Variants in MCU observed in about 807,000 individuals in gnomAD.
The protein encoded by MCU is mitochondrial calcium uniporter.
MCU carries 12 observed loss-of-function variants against 45.2 expected under a neutral mutation model. The ratio of observed to expected loss-of-function variants is 0.27; its 90% CI spans 0.17 to 0.43. The LOEUF (loss-of-function observed/expected upper bound fraction) is 0.43, where lower values mean the gene tolerates loss of function less well. MCU is among the 20% of genes least tolerant of loss of function. MCU has a pLI of 1.00. For synonymous variants in MCU, 160 were observed against 165.1 expected (o/e 0.97, Z 0.24); for missense variants, 324 against 436.7 (o/e 0.74, Z 2.30).
chr10:72,695,796 G>GA (rs1311263235), intron 1 of MCU, among the ~76,000 whole-genome samples: 10 of 149,902 alleles, frequency 6.7e-5, no homozygotes, highest in Admixed American at 5.4e-4. Flanking sequence ...CTGCAATCTT[G>GA]AACTCCTGGG....
rs761568643 is a variant in MCU at position 72,868,825 on chromosome 10, C to A, written c.619C>A (p.Leu207Ile). 1.5e-5 allele frequency: 25 copies of A among 1,614,142 alleles called. No homozygotes were observed. The highest frequency in any genetic ancestry group is 3.3e-5 in the Admixed American group (2 of 60,014). The change falls in exon 5 of 8, where the codon CTA (leucine) becomes ATA (isoleucine). Residue 207 changes from leucine to isoleucine, a missense_variant. Leu to Ile is a conservative substitution (Grantham distance 5). Around this residue, in one of 4 missense-constraint regions of MCU, gnomAD observed 135 missense variants for 207.3 expected, o/e 0.65. Coordinates refer to ENST00000373053, the MANE Select transcript of MCU (RefSeq NM_138357.3). ...LNKERELIERLEDLKEQLAPL... is the reference protein window; with the variant it reads ...LNKERELIERIEDLKEQLAPL... ...CAAGGAAAGGGAGCTTATTGAAAGACTAGAGGATCTCAAAGAGCAGCTGGC... is the reference window on the plus strand; with the variant it reads ...CAAGGAAAGGGAGCTTATTGAAAGAATAGAGGATCTCAAAGAGCAGCTGGC...
chr10:72,734,305 T>A (rs1843221330), intron 1 of MCU, among the ~76,000 whole-genome samples: 1 of 152,244 alleles, frequency 6.6e-6, no homozygotes, highest in African/African-American at 2.4e-5. Context: ...ATTTAGTCAC[T>A]GGCCACATGT....
intron 1 of MCU, chr10:72,693,056 A>G: frequency 6.5e-7 from 1 of 1,536,052 alleles, no homozygotes; most frequent in Non-Finnish European, 8.7e-7. Flanking sequence ...GGCACAGGAG[A>G]AGCGAATATG....
At chr10:72,778,196 A>T (rs1162191016) in intron 1 of MCU, among the ~76,000 whole-genome samples, 1 of 152,192 alleles carries the variant, frequency 6.6e-6, no homozygotes, top group Non-Finnish European at 1.5e-5. Flanking sequence ...AAGAAAGATA[A>T]TCAATATTTT....
At chr10:72,745,212 T>G (rs1004940874) in intron 1 of MCU, among the ~76,000 whole-genome samples, 4 of 152,198 alleles carry the variant, frequency 2.6e-5, no homozygotes, top group Non-Finnish European at 5.9e-5. Context: ...TTAGTTTTTC[T>G]TCCAGTGGAA....
At chr10:72,726,609 T>C (rs978778736) in intron 1 of MCU, among the ~76,000 whole-genome samples, 14 of 152,182 alleles carry the variant, frequency 9.2e-5, no homozygotes, top group Admixed American at 9.2e-4. Context: ...GTTCAAAGTA[T>C]ATGTACATAT....
At position 72,871,360 on chromosome 10, in the gene MCU, T is replaced by C; in HGVS notation, c.658-17T>C. On this transcript the variant is annotated splice_polypyrimidine_tract_variant and intron_variant, in intron 5 of 7. Coordinates refer to ENST00000373053, the MANE Select transcript of MCU (RefSeq NM_138357.3). ...GGTTTTATGTCAAAATGCCTTATGA[T>C]TATGTGTGCCCAATAGGTACGAATT... is the stretch of plus-strand genomic sequence containing the variant. 6.2e-7 allele frequency: 1 copy of C among 1,612,790 alleles called. No homozygotes were observed. The highest frequency in any genetic ancestry group is 8.5e-7 in the Non-Finnish European group (1 of 1,178,764).
At position 72,887,302 on chromosome 10, in the gene MCU, T is replaced by C. The variant is rs1033473324; in HGVS notation, c.*1480T>C. The C allele has an allele frequency of 6.5e-5, 10 of 152,762 alleles. No individual in the cohort carries two copies. The highest frequency in any genetic ancestry group is 2.4e-4 in the African/African-American group (10 of 41,454). 9.5% of individuals were successfully genotyped at this position (152,762 alleles called of 1,614,324 possible). Reference sequence around the variant, plus strand: ...GCAAAGGTTGAAGGCCAGCCAGGATTGCTGCTGCTGCTGCTACTCCTGCCA... The same window carrying C: ...GCAAAGGTTGAAGGCCAGCCAGGATCGCTGCTGCTGCTGCTACTCCTGCCA... On this transcript the variant is annotated 3_prime_UTR_variant, in exon 8 of 8. Coordinates refer to ENST00000373053, the MANE Select transcript of MCU (RefSeq NM_138357.3).
chr10:72,841,258 C>T (rs1035185196), intron 2 of MCU, among the ~76,000 whole-genome samples: 7 of 152,106 alleles, frequency 4.6e-5, no homozygotes, highest in Non-Finnish European at 8.8e-5. Context: ...CTACCGGCAT[C>T]TCTGACAGAC....
At chr10:72,848,966 G>T (rs941069384) in intron 2 of MCU, among the ~76,000 whole-genome samples, 1 of 151,990 alleles carries the variant, frequency 6.6e-6, no homozygotes, top group Non-Finnish European at 1.5e-5. Context: ...CAGTATCAGA[G>T]GGCTTAGAGC....
chr10:72,778,496 A>T (rs912346440), intron 1 of MCU, among the ~76,000 whole-genome samples: 1 of 152,164 alleles, frequency 6.6e-6, no homozygotes, highest in African/African-American at 2.4e-5. Flanking sequence ...GATAGAGTGT[A>T]GAATGGTAGT....
intron 1 of MCU, chr10:72,760,716 C>CTTT (rs965659813): frequency 2.2e-5 from 3 of 135,006 alleles, no homozygotes; most frequent in African/African-American, 2.9e-5. Context: ...TTTTTTCTTT[C>CTTT]TTTTTTTTTT....
chr10:72,839,426 A>C (rs1273029204), intron 2 of MCU, among the ~76,000 whole-genome samples: 1 of 152,080 alleles, frequency 6.6e-6, no homozygotes, highest in Non-Finnish European at 1.5e-5. Context: ...CTGTCTCTGT[A>C]GTTAAACCTT....
intron 1 of MCU, among the ~76,000 whole-genome samples, chr10:72,798,060 A>AT (rs1365458706): frequency 6.6e-6 from 1 of 152,114 alleles, no homozygotes; most frequent in Non-Finnish European, 1.5e-5. Flanking sequence ...AGGTTCAAAA[A>AT]TTTTTTAATT....
intron 6 of MCU, among the ~76,000 whole-genome samples, chr10:72,879,129 G>A (rs1484281689): frequency 6.6e-6 from 1 of 152,096 alleles, no homozygotes; most frequent in Non-Finnish European, 1.5e-5. Context: ...CTGGGCATGT[G>A]GCACACATCT....
chr10:72,752,732 C>G (rs1398250683), intron 1 of MCU, among the ~76,000 whole-genome samples: 2 of 152,128 alleles, frequency 1.3e-5, no homozygotes, highest in African/African-American at 4.8e-5. Context: ...ATTTGTAGGC[C>G]TGTGGTGTGT....
At chr10:72,860,393 T>C (rs752960163) in intron 3 of MCU, 30 bp from the exon 4 acceptor site, 15 of 1,561,964 alleles carry the variant, frequency 9.6e-6, no homozygotes, top group Non-Finnish European at 1.1e-5. Context: ...ATTATGGACC[T>C]ATGACAAGTT....
At chr10:72,810,499 C>G (rs1326619014) in intron 1 of MCU, among the ~76,000 whole-genome samples, 2 of 123,912 alleles carry the variant, frequency 1.6e-5, no homozygotes, top group African/African-American at 3.3e-5. Flanking sequence ...CGGAGTTTCG[C>G]TCTTGTTGCC....
rs566458506 is a variant in MCU, at chr10:72,759,280, G to C, written c.150+66979G>C. ...GGGTCGTGATTGATTGAGCAAGCAG[G>C]GGGTACATGACTGGGGGCTGCATGC... On this transcript the variant is annotated intron_variant, in intron 1 of 7. Transcript: ENST00000373053. 4.6e-5 allele frequency among the ~76,000 whole-genome samples: 7 copies of C among 152,198 alleles called. No homozygotes were observed. In the East Asian group the frequency reaches 9.7e-4, roughly 21 times the overall value.
Sources: allele counts gnomAD v4.1 joint callset (sites outside exome capture counted in the v4.1 genomes callset), GRCh38; gene constraint gnomAD v4.1.1; regional missense constraint gnomAD v4.1.1; transcripts MANE v1.5; gene names NCBI Gene and HGNC (gene_info 2026-07-23, HGNC 2026-07-21).